PCDHGB1: variants seen among roughly 807,000 people sequenced by gnomAD.
PCDHGB1 encodes the protein protocadherin gamma subfamily B, 1, also known as protocadherin gamma-B1.
Under a neutral mutation model 56.6 loss-of-function variants are expected in PCDHGB1, and 34 were observed. That is an observed-to-expected ratio of 0.60 (90% CI 0.46 to 0.80). PCDHGB1 has a LOEUF of 0.80. Ranked by LOEUF, PCDHGB1 falls within the 30% of genes least tolerant of loss-of-function variation. The pLI, the probability that PCDHGB1 is intolerant of heterozygous loss-of-function variation, is 0.00. For missense variants in PCDHGB1, 1,278 were observed against 1,204.6 expected, an observed-to-expected ratio of 1.06 and a Z score of -0.90; for synonymous variants, 561 against 505.9, an observed-to-expected ratio of 1.11 and a Z score of -1.46.
At chr5:141,365,446 T>A in intron 1 of PCDHGB1, 1 of 1,614,030 alleles carries the variant, frequency 6.2e-7, no homozygotes, top group Non-Finnish European at 8.5e-7. Context: ...TTAGCGTACA[T>A]GATGGTGATT....
In PCDHGB1 at chr5:141,420,606, G is replaced by A. The variant is rs141099124; in HGVS notation, c.2409+67937G>A. On this transcript the variant is annotated intron_variant, in intron 1 of 3. Coordinates refer to ENST00000523390, the MANE Select transcript of PCDHGB1 (RefSeq NM_018922.3). Reference sequence around the variant, plus strand: ...CCTGATGCTACTCAATTTTTCTCAAGTATTTCATCTTCATTTACTCAATAA... The same window carrying A: ...CCTGATGCTACTCAATTTTTCTCAAATATTTCATCTTCATTTACTCAATAA... Among the ~76,000 whole-genome samples the A allele has an allele frequency of 2.7e-3, 411 of 152,256 alleles. 1 individual carries two copies. Among genetic ancestry groups the A allele is most frequent in the African/African-American group, 9.4e-3 (392 of 41,546 alleles).
chr5:141,389,111 C>G (rs752785695), intron 1 of PCDHGB1: 8 of 1,614,008 alleles, frequency 5.0e-6, no homozygotes, highest in Non-Finnish European at 6.8e-6. Flanking sequence ...CTGTTCTAGA[C>G]CGCGAGCAGA....
At chr5:141,409,620 A>C in intron 1 of PCDHGB1, 2 of 1,613,876 alleles carry the variant, frequency 1.2e-6, no homozygotes, top group Non-Finnish European at 1.7e-6. Flanking sequence ...TCCATTGCGC[A>C]AGTGAGCGCC....
At chr5:141,356,892 C>T in intron 1 of PCDHGB1, 5 of 1,614,200 alleles carry the variant, frequency 3.1e-6, no homozygotes, top group Non-Finnish European at 4.2e-6. Flanking sequence ...AGATCCTGTA[C>T]CCCACCTTCC....
At chr5:141,457,108 T>C (rs186630889) in intron 1 of PCDHGB1, among the ~76,000 whole-genome samples, 40 of 152,338 alleles carry the variant, frequency 2.6e-4, no homozygotes, top group African/African-American at 9.1e-4. Flanking sequence ...TTAAGCAAAA[T>C]ACGACAGCAA....
chr5:141,382,567 T>G (rs1778294618), intron 1 of PCDHGB1, among the ~76,000 whole-genome samples: 1 of 152,132 alleles, frequency 6.6e-6, no homozygotes, highest in African/African-American at 2.4e-5. Context: ...AGCAAAGAAA[T>G]CTAACAGGGA....
rs70988802 is a variant in PCDHGB1 at position 141,450,006 on chromosome 5, C to CTA, written c.2410-44800_2410-44799insAT. ...CACATTGCATTTAGTTGCCATGTCT[C>CTA]TTTTTTTTTTTTTTTTTTGAGACAG... On this transcript the variant is annotated intron_variant, in intron 1 of 3. Coordinates refer to ENST00000523390, the MANE Select transcript of PCDHGB1 (RefSeq NM_018922.3). Among the ~76,000 whole-genome samples the CTA allele has an allele frequency of 6.0e-5, 8 of 132,986 alleles. 1 individual carries two copies. The highest frequency in any genetic ancestry group is 9.5e-5 in the Non-Finnish European group (6 of 62,926). The allele number at this position is 132,986 out of a possible 152,430, so 87.2% of individuals were successfully genotyped here. A position where few individuals can be genotyped will look rare whatever the true frequency, so the allele number is the denominator to read the frequency against.
intron 1 of PCDHGB1, chr5:141,410,087 G>C (rs1427716409): frequency 6.2e-7 from 1 of 1,612,364 alleles, no homozygotes; most frequent in Admixed American, 1.7e-5. Context: ...GGTGCGCACG[G>C]CTCGAGCCTT....
rs201391904 is a variant in PCDHGB1, at chr5:141,494,843, G to A, written c.2446G>A (p.Ala816Thr). Residue 816 changes from alanine to threonine, a missense_variant, in exon 2 of 4, where the codon GCC becomes ACC. Transcript: ENST00000523390. ...PPNTDWRFSQ[A>T]QRPGTSGSQN... is the part of the protein sequence containing the mutation. ...CAACACGGACTGGCGTTTCTCTCAG[G>A]CCCAGAGACCCGGCACCAGCGGGTA... 1.9e-6 allele frequency: 3 copies of A among 1,614,088 alleles called. No homozygotes were observed. Among genetic ancestry groups the A allele is most frequent in the Admixed American group, 3.3e-5 (2 of 60,008 alleles).
chr5:141,389,112 C>T (rs376966829), intron 1 of PCDHGB1: 22 of 1,613,964 alleles, frequency 1.4e-5, no homozygotes, highest in Non-Finnish European at 1.9e-5. Context: ...TGTTCTAGAC[C>T]GCGAGCAGAA....
intron 1 of PCDHGB1, chr5:141,389,681 C>T (rs1172050771): frequency 1.2e-6 from 2 of 1,612,438 alleles, no homozygotes; most frequent in South Asian, 1.1e-5. Context: ...CAGGACACAA[C>T]GCCTGGCTGT....
chr5:141,428,120 C>G (rs756805763), intron 1 of PCDHGB1: 2 of 1,606,528 alleles, frequency 1.2e-6, no homozygotes, highest in South Asian at 1.1e-5. Context: ...CCATCGAGCC[C>G]GGGCTTTTCA....
chr5:141,383,817 A>T, intron 1 of PCDHGB1: 1 of 1,613,926 alleles, frequency 6.2e-7, no homozygotes, highest in Non-Finnish European at 8.5e-7. Context: ...CTTTAGAAGG[A>T]TTAGATTATG....
intron 1 of PCDHGB1, among the ~76,000 whole-genome samples, chr5:141,482,144 G>C (rs564178008): frequency 1.3e-4 from 20 of 151,858 alleles, no homozygotes; most frequent in Admixed American, 9.8e-4. Flanking sequence ...GGCATAAAAA[G>C]GTCAAGTCAA....
intron 1 of PCDHGB1, among the ~76,000 whole-genome samples, chr5:141,358,590 C>T (rs1250031293): frequency 1.3e-5 from 2 of 152,218 alleles, no homozygotes; most frequent in Non-Finnish European, 2.9e-5. Flanking sequence ...TCCTCTGGTG[C>T]ACTCCTGTGA....
chr5:141,449,098 G>A (rs1314761371), intron 1 of PCDHGB1, among the ~76,000 whole-genome samples: 1 of 152,140 alleles, frequency 6.6e-6, no homozygotes, highest in Admixed American at 6.5e-5. Context: ...TTTTACATAT[G>A]CAGTATATCT....
chr5:141,362,277 C>CAAT (rs770934690), intron 1 of PCDHGB1: 12 of 1,614,048 alleles, frequency 7.4e-6, no homozygotes, highest in Non-Finnish European at 9.3e-6. Flanking sequence ...TCTCCCTGCG[C>CAAT]CTGCGACTCT....
At chr5:141,353,365 T>A (rs1050829838) in intron 1 of PCDHGB1, among the ~76,000 whole-genome samples, 1 of 152,252 alleles carries the variant, frequency 6.6e-6, no homozygotes, top group African/African-American at 2.4e-5. Flanking sequence ...ATGTAATTGA[T>A]GTAATTATGT....
intron 1 of PCDHGB1, chr5:141,403,323 C>G: frequency 6.2e-7 from 1 of 1,613,958 alleles, no homozygotes; most frequent in Non-Finnish European, 8.5e-7. Flanking sequence ...ATAGAAGTAA[C>G]TGATATTAAC....
Sources: allele counts gnomAD v4.1 joint callset (sites outside exome capture counted in the v4.1 genomes callset), GRCh38; gene constraint gnomAD v4.1.1; transcripts MANE v1.5; gene names NCBI Gene and HGNC (gene_info 2026-07-23, HGNC 2026-07-21).